Variants in PMPCB observed in about 807,000 individuals in gnomAD.
PMPCB encodes the protein peptidase, mitochondrial processing subunit beta.
PMPCB carries 46 observed loss-of-function variants against 61.5 expected under a neutral mutation model. That is an observed-to-expected ratio of 0.75 (90% CI 0.59 to 0.96). The LOEUF (loss-of-function observed/expected upper bound fraction) is 0.96. PMPCB is among the 40% of genes least tolerant of loss of function. The pLI, the probability that PMPCB is intolerant of heterozygous loss-of-function variation, is 0.00. For missense variants in PMPCB, 590 were observed against 602.4 expected (o/e 0.98, Z 0.22); for synonymous variants, 191 against 201.6 (o/e 0.95, Z 0.44).
chr7:103,311,978 C>G, intron 11 of PMPCB, 78 bp from the exon 12 acceptor site: 1 of 1,532,968 alleles, frequency 6.5e-7, no homozygotes. Context: ...TTTCATCTTG[C>G]TTTAGTTTTA....
chr7:103,327,216 ACTT>A (rs1234517804), intron 12 of PMPCB: 2 of 474,616 alleles, frequency 4.2e-6, no homozygotes, highest in East Asian at 1.4e-4. Flanking sequence ...GATATAATCA[ACTT>A]CTTGATTTAA....
At chr7:103,315,874 G>A (rs752050195), downstream of PMPCB, 2 of 1,602,338 alleles carry the variant, frequency 1.2e-6, no homozygotes, top group Non-Finnish European at 8.5e-7. Flanking sequence ...ATGAGGGTCT[G>A]AGAAATGAAA....
Position 103,314,261 on chromosome 7 carries a change from G to C in PMPCB, c.*1990G>C. On this transcript the variant is annotated 3_prime_UTR_variant, in exon 13 of 13. Coordinates refer to ENST00000249269, the MANE Select transcript of PMPCB (RefSeq NM_004279.3). ...TGGCAGTATTTCCTGCTGTTCTCCA[G>C]TTACTTCACAATACCAAAATAAATT... The C allele has an allele frequency of 1.0e-6, 1 of 985,382 alleles. No homozygotes were observed. The highest frequency in any genetic ancestry group is 1.2e-6 in the Non-Finnish European group (1 of 829,932). The allele number at this position is 985,382 out of a possible 1,614,324, so 61.0% of individuals were successfully genotyped here.
At chr7:103,322,217 G>A (rs1818458836) in intron 12 of PMPCB, 4 of 676,664 alleles carry the variant, frequency 5.9e-6, no homozygotes, top group Non-Finnish European at 8.8e-6. Flanking sequence ...ACTGAAGGAT[G>A]AACTCGGAAA....
At chr7:103,342,662 G>A in the PMPCB span, among the ~76,000 whole-genome samples, 1 of 149,688 alleles carries the variant, frequency 6.7e-6, no homozygotes, top group Admixed American at 6.7e-5. Flanking sequence ...AGGCTGGAGT[G>A]CAATGGCGCG....
chr7:103,337,066 T>C, the PMPCB span: 1 of 152,160 alleles, frequency 6.6e-6, no homozygotes, highest in Non-Finnish European at 1.5e-5. Context: ...GGCAGAACAT[T>C]CTCCTAAGAT....
downstream of PMPCB, among the ~76,000 whole-genome samples, chr7:103,333,174 ATTC>A (rs546578212): frequency 3.8e-3 from 572 of 152,214 alleles, 4 homozygotes; most frequent in African/African-American, 0.014. Flanking sequence ...GTATTTGTTT[ATTC>A]TTCTTATAAA....
At chr7:103,322,678 G>T (rs1316861851) in intron 12 of PMPCB, 2 of 1,612,176 alleles carry the variant, frequency 1.2e-6, no homozygotes, top group African/African-American at 2.7e-5. Flanking sequence ...CTAACATTTA[G>T]GGGACTTAAA....
Position 103,309,093 on chromosome 7 carries a change from A to G in PMPCB, c.991A>G (p.Met331Val). ...CTGGGATCGCTCTTTTGGGGGAGGA[A>G]TGGTAAGTGATTTTAAAAGAAATTT... The part of the protein sequence containing the change: ...GNWDRSFGGG[M>V]NLSSKLAQLT... The change falls in exon 8 of 13, where the codon ATG (methionine) becomes GTG (valine). Residue 331 changes from methionine to valine, a missense_variant and splice_region_variant. Coordinates refer to ENST00000249269, the MANE Select transcript of PMPCB (RefSeq NM_004279.3). 6.3e-7 allele frequency: 1 copy of G among 1,585,658 alleles called. No individual in the cohort carries two copies. The highest frequency in any genetic ancestry group is 8.6e-7 in the Non-Finnish European group (1 of 1,167,804).
At chr7:103,320,245 C>A (rs891496003) in intron 12 of PMPCB, among the ~76,000 whole-genome samples, 3 of 151,948 alleles carry the variant, frequency 2.0e-5, no homozygotes, top group Admixed American at 2.0e-4. Context: ...CCTGCCACCA[C>A]ACCTGGCTAA....
In PMPCB at chr7:103,310,431, A is replaced by G. The variant is rs144833286; in HGVS notation, c.1110A>G (p.Glu370=). 4.2e-5 allele frequency: 67 copies of G among 1,613,470 alleles called. No individual in the cohort carries two copies. Among genetic ancestry groups the G allele is most frequent in the Middle Eastern group, 1.6e-4 (1 of 6,080 alleles). ...TGLWGLYMVC[E]SSTVADMLHV... is the part of the protein sequence containing the mutation. ...TATGGGGACTGTATATGGTTTGTGA[A>G]TCATCCACTGTTGCAGACATGCTAC... Residue 370 remains glutamate (E), a synonymous_variant, in exon 9 of 13, where the codon GAA becomes GAG. Transcript: ENST00000249269.
the PMPCB span, among the ~76,000 whole-genome samples, chr7:103,346,781 C>G: frequency 6.6e-6 from 1 of 151,618 alleles, no homozygotes; most frequent in Non-Finnish European, 1.5e-5. Context: ...TGTGTTGTAG[C>G]TTATACTAGA....
chr7:103,339,312 C>T, the PMPCB span, among the ~76,000 whole-genome samples: 2 of 152,324 alleles, frequency 1.3e-5, no homozygotes, highest in South Asian at 2.1e-4. Context: ...AGTGAATGAA[C>T]TCTGCTACCT....
In PMPCB at chr7:103,327,208, T is replaced by C. The variant is rs147826584; in HGVS notation, c.*1432-1723T>C. 52 of 433,966 alleles carry C rather than the reference T, an allele frequency of 1.2e-4. No homozygotes were observed. The East Asian group carries it at 3.5e-3, about 29-fold the overall frequency. The allele number at this position is 433,966 out of a possible 1,614,324, so 26.9% of individuals were successfully genotyped here. On this transcript the variant is annotated intron_variant and NMD_transcript_variant, in intron 12 of 12. Coordinates refer to the PMPCB transcript ENST00000444457. The stretch of plus-strand genomic sequence containing the variant: ...AGTAACTGTAGGGTCTGTACTAGGA[T>C]ATAATCAACTTCTTGATTTAAACTA...
At chr7:103,341,654 G>C in the PMPCB span, 12 of 898,378 alleles carry the variant, frequency 1.3e-5, no homozygotes, top group East Asian at 2.3e-4. Flanking sequence ...CTAAATCATA[G>C]TTATCTTGCT....
chr7:103,332,240 C>T (rs1819006737), downstream of PMPCB, among the ~76,000 whole-genome samples: 1 of 152,166 alleles, frequency 6.6e-6, no homozygotes, highest in Non-Finnish European at 1.5e-5. Flanking sequence ...CTCCTGACCT[C>T]ATGATCCGCC....
intron 12 of PMPCB, among the ~76,000 whole-genome samples, chr7:103,324,087 T>C (rs1563463495): frequency 6.6e-6 from 1 of 152,238 alleles, no homozygotes; most frequent in Admixed American, 6.5e-5. Flanking sequence ...TTGTATTTAC[T>C]AGACATTTGA....
chr7:103,319,494 C>CTT, downstream of PMPCB: 1 of 1,034,054 alleles, frequency 9.7e-7, no homozygotes, highest in Non-Finnish European at 1.4e-6. Context: ...CAGTGGGAAA[C>CTT]ATAAAGAGAA....
chr7:103,317,082 C>G (rs1818112430), downstream of PMPCB: 4 of 1,405,950 alleles, frequency 2.8e-6, no homozygotes, highest in Non-Finnish European at 3.9e-6. Context: ...CTCTTCCTGG[C>G]TAGGGCTTTG....
Sources: allele counts gnomAD v4.1 joint callset (sites outside exome capture counted in the v4.1 genomes callset), GRCh38; gene constraint gnomAD v4.1.1; transcripts MANE v1.5; gene names NCBI Gene and HGNC (gene_info 2026-07-23, HGNC 2026-07-21).